PHACTR3: variants seen among roughly 807,000 people sequenced by gnomAD.
The protein encoded by PHACTR3 is phosphatase and actin regulator 3, also known as protein phosphatase 1, regulatory subunit 123.
In PHACTR3, 16 loss-of-function variants were observed where a neutral mutation model predicts 66.8. That is an observed-to-expected ratio of 0.24 (90% CI 0.16 to 0.36). The LOEUF is 0.36. Ranked by LOEUF, PHACTR3 falls within the 10% of genes least tolerant of loss-of-function variation. The probability of loss-of-function intolerance (pLI) is 1.00; values close to 1 mark genes in which losing one functional copy is unlikely to be tolerated. For synonymous variants in PHACTR3, 323 were observed against 292.1 expected (o/e 1.11, Z -1.08); for missense variants, 647 against 719.9 (o/e 0.90, Z 1.16).
chr20:59,680,876 G>A (rs973485135), intron 1 of PHACTR3, among the ~76,000 whole-genome samples: 44 of 152,148 alleles, frequency 2.9e-4, no homozygotes, highest in African/African-American at 1.0e-3. Context: ...ACAGATCTCT[G>A]GGTGGGCCAC....
At position 59,847,607 on chromosome 20, in the gene PHACTR3, ACTTTTC is replaced by A. The variant is rs1213988691; in HGVS notation, c.*483_*488del. The A allele has an allele frequency of 6.5e-6, 1 of 153,098 alleles. No individual in the cohort carries two copies. Among genetic ancestry groups the A allele is most frequent in the Admixed American group, 6.5e-5 (1 of 15,294 alleles). 9.5% of individuals were successfully genotyped at this position (153,098 alleles called of 1,614,324 possible). A position where few individuals can be genotyped will look rare whatever the true frequency, so the allele number is the denominator to read the frequency against. ...TATACAAGATGATTTACTGTATTAT[ACTTTTC>A]CTTTTTTATATAATGTCTAACAAAA... On this transcript the variant is annotated 3_prime_UTR_variant, in exon 13 of 13. Transcript: ENST00000371015.
chr20:59,604,997 C>G lies in PHACTR3; in HGVS notation c.-18C>G. ...TCCACGCGGCTCGCTCTAACTTGCC[C>G]CCGCGCCGGCCGGGCCCATGGCCGC... On this transcript the variant is annotated 5_prime_UTR_variant, in exon 1 of 13. Coordinates refer to ENST00000371015, the MANE Select transcript of PHACTR3 (RefSeq NM_080672.5). 7.7e-7 allele frequency: 1 copy of G among 1,303,840 alleles called. No homozygotes were observed. The highest frequency in any genetic ancestry group is 9.8e-7 in the Non-Finnish European group (1 of 1,020,204). 80.8% of individuals were successfully genotyped at this position (1,303,840 alleles called of 1,614,324 possible).
chr20:59,784,165 G>A (rs1439098973), intron 7 of PHACTR3, among the ~76,000 whole-genome samples: 1 of 152,126 alleles, frequency 6.6e-6, no homozygotes, highest in African/African-American at 2.4e-5. Flanking sequence ...CAGAGAAGAG[G>A]AAATCTTGCC....
chr20:59,750,076 A>T lies in PHACTR3; in HGVS notation c.358+2241A>T, dbSNP rs147734580. 3.8e-3 allele frequency among the ~76,000 whole-genome samples: 585 copies of T among 152,284 alleles called. 1 individual carries two copies. Among genetic ancestry groups the T allele is most frequent in the African/African-American group, 0.011 (472 of 41,550 alleles). On this transcript the variant is annotated intron_variant, in intron 3 of 12. Transcript: ENST00000371015. ...TCAGGGTCTGTGCTAGCTGCTGAGG[A>T]CACAGGTGAGCAAAATACTGTTCTG...
At chr20:59,746,167 C>A (rs562116942) in intron 2 of PHACTR3, among the ~76,000 whole-genome samples, 2 of 152,348 alleles carry the variant, frequency 1.3e-5, no homozygotes, top group African/African-American at 4.8e-5. Context: ...CCAAAAATGT[C>A]CCCACCCTGC....
chr20:59,759,460 G>C (rs1413269137), intron 4 of PHACTR3, among the ~76,000 whole-genome samples: 1 of 152,194 alleles, frequency 6.6e-6, no homozygotes, highest in Admixed American at 6.5e-5. Flanking sequence ...ACACAGCCAG[G>C]GTCGCTGGAG....
chr20:59,708,225 G>C (rs2037782931), intron 1 of PHACTR3, among the ~76,000 whole-genome samples: 1 of 152,196 alleles, frequency 6.6e-6, no homozygotes, highest in Admixed American at 6.5e-5. Flanking sequence ...AGGATAAGCT[G>C]GGCACGTGCT....
At chr20:59,678,839 A>T (rs557407845) in intron 1 of PHACTR3, among the ~76,000 whole-genome samples, 1 of 152,150 alleles carries the variant, frequency 6.6e-6, no homozygotes, top group South Asian at 2.1e-4. Flanking sequence ...CTTCTGCCGG[A>T]CCAGAAGGCA....
intron 1 of PHACTR3, among the ~76,000 whole-genome samples, chr20:59,720,356 G>A (rs924185698): frequency 2.0e-5 from 3 of 152,182 alleles, no homozygotes; most frequent in African/African-American, 7.2e-5. Flanking sequence ...CCGGATGGGC[G>A]TGGGAAACTC....
chr20:59,767,401 T>C lies in PHACTR3; in HGVS notation c.751+6T>C. ...AACCACAAAAAATGTCACAGGTGGG[T>C]CCACATGCATCCTGCCCATTCTATT... On this transcript the variant is annotated splice_donor_region_variant and intron_variant, in intron 5 of 12. Transcript: ENST00000371015. The C allele has an allele frequency of 6.2e-7, 1 of 1,612,226 alleles. No homozygotes were observed. Among genetic ancestry groups the C allele is most frequent in the Non-Finnish European group, 8.5e-7 (1 of 1,179,350 alleles).
chr20:59,743,864 G>A (rs1438612269), intron 2 of PHACTR3, among the ~76,000 whole-genome samples: 1 of 152,128 alleles, frequency 6.6e-6, no homozygotes, highest in Non-Finnish European at 1.5e-5. Flanking sequence ...CTGTCTCAGT[G>A]TGCCTTCCCT....
chr20:59,778,558 C>T (rs1040729196), intron 7 of PHACTR3, among the ~76,000 whole-genome samples: 1 of 152,260 alleles, frequency 6.6e-6, no homozygotes. Flanking sequence ...CCTACGGCAG[C>T]GTCCCTGACG....
intron 1 of PHACTR3, among the ~76,000 whole-genome samples, chr20:59,672,120 C>T (rs565657261): frequency 3.3e-5 from 5 of 152,298 alleles, no homozygotes; most frequent in South Asian, 2.1e-4. Context: ...TTTCAGTTGT[C>T]GCAGCTGGGA....
chr20:59,706,184 T>C (rs1862819919), intron 1 of PHACTR3, among the ~76,000 whole-genome samples: 1 of 152,190 alleles, frequency 6.6e-6, no homozygotes, highest in African/African-American at 2.4e-5. Context: ...CTCAAACTTT[T>C]CCCATACTGG....
intron 1 of PHACTR3, among the ~76,000 whole-genome samples, chr20:59,606,323 T>G (rs533183773): frequency 6.6e-6 from 1 of 150,566 alleles, no homozygotes; most frequent in Admixed American, 6.7e-5. Flanking sequence ...ATTTGAAAAT[T>G]TAAACAATAA....
intron 1 of PHACTR3, among the ~76,000 whole-genome samples, chr20:59,687,798 G>C (rs2036956723): frequency 6.6e-6 from 1 of 151,732 alleles, no homozygotes; most frequent in Admixed American, 6.6e-5. Flanking sequence ...ACCGTAGCAG[G>C]ACACTGTGCT....
chr20:59,829,280 CG>C lies in PHACTR3; in HGVS notation c.1329-7223del, dbSNP rs2145458329. ...AGCACCTCTCAGCTGAGCCCTCAGTCGGCAGAACATCCCTGCTTGCTGTTTC... is the reference window on the plus strand; with the variant it reads ...AGCACCTCTCAGCTGAGCCCTCAGTCGCAGAACATCCCTGCTTGCTGTTTC... On this transcript the variant is annotated intron_variant, in intron 8 of 12. Coordinates refer to ENST00000371015, the MANE Select transcript of PHACTR3 (RefSeq NM_080672.5). This position sits in a 1 kb window ranked among gnomAD's most constrained non-coding sequence, Gnocchi z 4.2. 6.6e-6 allele frequency among the ~76,000 whole-genome samples: 1 copy of C among 152,322 alleles called. No homozygotes were observed. Among genetic ancestry groups the C allele is most frequent in the Admixed American group, 6.5e-5 (1 of 15,308 alleles).
intron 1 of PHACTR3, among the ~76,000 whole-genome samples, chr20:59,741,312 C>A (rs959473186): frequency 2.0e-4 from 30 of 152,364 alleles, no homozygotes; most frequent in African/African-American, 7.2e-4. Context: ...TGTATGTTCG[C>A]AGGGCGAGGG....
intron 9 of PHACTR3, among the ~76,000 whole-genome samples, chr20:59,836,807 T>A (rs1039962577): frequency 2.0e-5 from 3 of 152,194 alleles, no homozygotes; most frequent in Admixed American, 1.3e-4. Context: ...TCAGGGTTAG[T>A]CCCATATGTC....
Sources: gnomAD v4.1 joint callset for allele counts (sites outside exome capture counted in the v4.1 genomes callset) on GRCh38, gnomAD v4.1.1 for gene constraint, Gnocchi (gnomAD v3.1) non-coding constraint, MANE v1.5 for transcripts, NCBI Gene and HGNC (gene_info 2026-07-23, HGNC 2026-07-21) for gene names.